Variants in MPP4 observed in about 807,000 individuals in gnomAD.
MPP4 encodes MAGUK p55 subfamily member 4.
MPP4 carries 91 observed loss-of-function variants against 98.3 expected under a neutral mutation model. The ratio of observed to expected loss-of-function variants is 0.93; its 90% CI spans 0.78 to 1.10. MPP4 has a LOEUF of 1.10. Ranked by LOEUF, MPP4 falls within the 50% of genes least tolerant of loss-of-function variation. MPP4 has a pLI of 0.00. For synonymous variants in MPP4, 261 were observed against 271.8 expected, an observed-to-expected ratio of 0.96 and a Z score of 0.39; for missense variants, 744 against 792.9, an observed-to-expected ratio of 0.94 and a Z score of 0.74.
intron 9 of MPP4, 23 bp downstream of exon 9, chr2:201,681,473 T>G (rs371192945): frequency 1.3e-6 from 2 of 1,587,682 alleles, no homozygotes; most frequent in Non-Finnish European, 1.7e-6. Context: ...GTGTGTGAGA[T>G]TGAAGGCTCA....
intron 12 of MPP4, 64 bp downstream of exon 12, chr2:201,669,669 A>G: frequency 8.2e-7 from 1 of 1,220,528 alleles, no homozygotes. Flanking sequence ...TGAATTCTTT[A>G]AACTACAAGA....
chr2:201,697,504 A>G (rs898417765), intron 1 of MPP4, among the ~76,000 whole-genome samples: 1 of 152,170 alleles, frequency 6.6e-6, no homozygotes, highest in African/African-American at 2.4e-5. Context: ...CTGCAGCTTC[A>G]CCTGCAACAG....
chr2:201,682,087 G>T (rs1320078846), intron 8 of MPP4, among the ~76,000 whole-genome samples: 1 of 152,208 alleles, frequency 6.6e-6, no homozygotes, highest in Non-Finnish European at 1.5e-5. Context: ...GAATTCCCCT[G>T]TTACATACAC....
chr2:201,662,854 T>C (rs6757790), intron 14 of MPP4, among the ~76,000 whole-genome samples: 3,086 of 152,238 alleles, frequency 0.02, 109 homozygotes, highest in African/African-American at 0.069. Context: ...ATACTTGGAA[T>C]TGGATAAGTC....
chr2:201,689,461 TGA>T (rs1399198897), intron 4 of MPP4, among the ~76,000 whole-genome samples: 1 of 152,108 alleles, frequency 6.6e-6, no homozygotes, highest in Non-Finnish European at 1.5e-5. Context: ...GTTGCCGTGT[TGA>T]GAGTAGACTG....
chr2:201,686,785 C>T (rs1688850438), intron 5 of MPP4, among the ~76,000 whole-genome samples: 1 of 152,164 alleles, frequency 6.6e-6, no homozygotes, highest in Admixed American at 6.5e-5. Context: ...CAGACATTGT[C>T]TTAAAGTTCT....
intron 21 of MPP4, among the ~76,000 whole-genome samples, chr2:201,646,445 A>G (rs997570990): frequency 2.6e-5 from 4 of 152,222 alleles, no homozygotes; most frequent in South Asian, 2.1e-4. Context: ...TGAAAATAGT[A>G]CAACTTGTCA....
chr2:201,666,731 AAAATAAAAAT>A (rs199957979), intron 12 of MPP4: 15,584 of 149,534 alleles, frequency 0.1, 806 homozygotes, highest in East Asian at 0.18. Flanking sequence ...TCTAAAAATA[AAAATAAAAAT>A]AAATAAAAAT....
rs1574603189 is a variant in MPP4 at position 201,656,510 on chromosome 2, G to A, written c.1130-142C>T. ...TCTGTCTGAAGTTAGAAGATGGGAA[G>A]TAATATGAGGGAAAAATATGAAAAT... On this transcript the variant is annotated intron_variant, in intron 16 of 21. Transcript: ENST00000409474. The A allele has an allele frequency of 7.5e-6, 6 of 796,918 alleles. No individual in the cohort carries two copies. In the East Asian group the frequency reaches 1.5e-4, roughly 21 times the overall value. 49.4% of individuals were successfully genotyped at this position (796,918 alleles called of 1,614,324 possible).
intron 19 of MPP4, 75 bp from the exon 20 acceptor site, chr2:201,649,759 T>C (rs1001474390): frequency 1.1e-6 from 1 of 947,372 alleles, no homozygotes; most frequent in African/African-American, 1.6e-5. Flanking sequence ...GAGGATAAAC[T>C]GCACTAGAGT....
At chr2:201,678,604 A>C (rs1462711695) in intron 10 of MPP4, among the ~76,000 whole-genome samples, 5 of 152,098 alleles carry the variant, frequency 3.3e-5, no homozygotes, top group African/African-American at 7.2e-5. Context: ...TGATGCTCTC[A>C]CGGTGGCTGA....
chr2:201,693,221 G>A (rs1012379019), intron 2 of MPP4, among the ~76,000 whole-genome samples, 192 bp from the exon 3 acceptor site: 28 of 152,248 alleles, frequency 1.8e-4, no homozygotes, highest in African/African-American at 5.1e-4. Context: ...ATAGCTATCC[G>A]AAACCCAGTT....
chr2:201,664,512 C>T, intron 13 of MPP4, among the ~76,000 whole-genome samples: 1 of 152,100 alleles, frequency 6.6e-6, no homozygotes, highest in East Asian at 1.9e-4. Flanking sequence ...AGTTGCGGAC[C>T]CACAAACGGG....
intron 18 of MPP4, among the ~76,000 whole-genome samples, chr2:201,654,466 G>T (rs1436232011): frequency 1.3e-5 from 2 of 152,180 alleles, no homozygotes; most frequent in Non-Finnish European, 2.9e-5. Flanking sequence ...ATTTTAGACT[G>T]TTGTGGGGTA....
chr2:201,652,822 C>T (rs1195581312), intron 18 of MPP4, among the ~76,000 whole-genome samples: 1 of 152,172 alleles, frequency 6.6e-6, no homozygotes, highest in Non-Finnish European at 1.5e-5. Context: ...CTCTCTAAGG[C>T]TAGAGTGCAG....
chr2:201,673,029 T>C (rs1461431444), intron 11 of MPP4, among the ~76,000 whole-genome samples: 1 of 152,158 alleles, frequency 6.6e-6, no homozygotes, highest in Non-Finnish European at 1.5e-5. Context: ...ACAATCAAGT[T>C]GGCTTCATCC....
intron 11 of MPP4, among the ~76,000 whole-genome samples, chr2:201,671,206 CA>C: frequency 6.6e-6 from 1 of 152,158 alleles, no homozygotes; most frequent in South Asian, 2.1e-4. Flanking sequence ...CCTGGAATAC[CA>C]GCAAGACAGA....
intron 4 of MPP4, among the ~76,000 whole-genome samples, chr2:201,688,848 C>T (rs997596223): frequency 6.6e-6 from 1 of 152,042 alleles, no homozygotes; most frequent in African/African-American, 2.4e-5. Flanking sequence ...AACTCCTGGG[C>T]TCAAGTGATC....
rs1032352474 is a variant in MPP4 at position 201,656,133 on chromosome 2, A to C, written c.1300+65T>G. 2.0e-6 allele frequency: 3 copies of C among 1,475,756 alleles called. No individual in the cohort carries two copies. The African/African-American group carries it at 4.2e-5, about 21-fold the overall frequency. 91.4% of individuals were successfully genotyped at this position (1,475,756 alleles called of 1,614,324 possible). On this transcript the variant is annotated intron_variant, in intron 17 of 21. Coordinates refer to ENST00000409474, the MANE Select transcript of MPP4 (RefSeq NM_033066.3). ...TACTTTCACCATTATTCCCAATGCA[A>C]GACACCTGAATCTAGAAGGAAGACT... is the stretch of plus-strand genomic sequence containing the variant.
Sources: gnomAD v4.1 joint callset for allele counts (sites outside exome capture counted in the v4.1 genomes callset) on GRCh38, gnomAD v4.1.1 for gene constraint, MANE v1.5 for transcripts, NCBI Gene and HGNC (gene_info 2026-07-23, HGNC 2026-07-21) for gene names.